The following ATP2B4 variants were observed in gnomAD, a reference collection of about 807,000 sequenced individuals.
ATP2B4 encodes plasma membrane calcium-transporting ATPase 4.
In ATP2B4, 39 loss-of-function variants were observed where a neutral mutation model predicts 110.3. That is an observed-to-expected ratio of 0.35 (90% CI 0.27 to 0.46). The LOEUF (loss-of-function observed/expected upper bound fraction) is 0.46. Ranked by LOEUF, ATP2B4 falls within the 20% of genes least tolerant of loss-of-function variation. ATP2B4 has a pLI of 1.00. For synonymous variants in ATP2B4, 538 were observed against 571.7 expected (o/e 0.94, Z 0.84); for missense variants, 1,135 against 1,530.9 (o/e 0.74, Z 4.32).
Position 203,722,488 on chromosome 1 carries a change from C to A in ATP2B4, c.2823C>A (p.Phe941Leu), listed in dbSNP as rs752873394. The A allele has an allele frequency of 9.3e-6, 15 of 1,613,408 alleles. No individual in the cohort carries two copies. Among genetic ancestry groups the A allele is most frequent in the Non-Finnish European group, 1.3e-5 (15 of 1,179,310 alleles). Residue 941 changes from phenylalanine to leucine, a missense_variant, in exon 18 of 21, where the codon TTC becomes TTA. By Grantham distance (22) the Phe-to-Leu change is conservative (BLOSUM62 0). This residue lies in a region of ATP2B4 where 155 missense variants were observed against 186.2 expected (regional missense o/e 0.83). Transcript: ENST00000357681. ...IFILVFAGEKFFDIDSGRKAP... is the reference protein window; with the variant it reads ...IFILVFAGEKLFDIDSGRKAP... ...TCCTCTCCCCACTAGGTGAGAAATT[C>A]TTTGATATTGATAGTGGGAGGAAGG...
At position 203,629,151 on chromosome 1, in the gene ATP2B4, G is replaced by C. The variant is rs543602950; in HGVS notation, c.-465+1932G>C. ...TGATTTTCACTTTGAGGTGTTGATT[G>C]ATCTGACTGCACCCCTCGGCTAGAC... On this transcript the variant is annotated intron_variant, in intron 1 of 20. Transcript: ENST00000357681. The surrounding 1 kb of genome is among the most constrained non-coding windows in gnomAD (Gnocchi z 4.6). 6.6e-6 allele frequency among the ~76,000 whole-genome samples: 1 copy of C among 152,310 alleles called. No individual in the cohort carries two copies. The highest frequency in any genetic ancestry group is 2.1e-4 in the South Asian group (1 of 4,832).
chr1:203,683,163 G>T lies in ATP2B4; in HGVS notation c.-43G>T. ...AGACACTGGTCAGTTGAAGGGAAAC[G>T]CTACATCTTCTCTGGTTGAGGGGCT... On this transcript the variant is annotated 5_prime_UTR_variant, in exon 2 of 21. Coordinates refer to ENST00000357681, the MANE Select transcript of ATP2B4 (RefSeq NM_001684.5). The T allele has an allele frequency of 1.3e-6, 2 of 1,593,814 alleles. No individual in the cohort carries two copies. The highest frequency in any genetic ancestry group is 1.3e-5 in the African/African-American group (1 of 74,720).
chr1:203,733,558 C>A, intron 20 of ATP2B4: 1 of 648,684 alleles, frequency 1.5e-6, no homozygotes, highest in Non-Finnish European at 2.5e-6. Context: ...ACTCTAAAAC[C>A]AGACTGTGTG....
In ATP2B4 at chr1:203,739,797, C is replaced by A. The variant is rs369496741; in HGVS notation, c.3561C>A (p.Asn1187Lys). The change falls in exon 21 of 21, where the codon AAC (asparagine) becomes AAA (lysine). Residue 1187 changes from asparagine to lysine, a missense_variant. Transcript: ENST00000357681. ...CAAACAACAATGCGGTGGATTGCAACCAAGTGCAGCTCCCCCAGTCGGACA... is the reference window on the plus strand; with the variant it reads ...CAAACAACAATGCGGTGGATTGCAAACAAGTGCAGCTCCCCCAGTCGGACA... ...ANTNNNAVDC[N>K]QVQLPQSDSS... 1.9e-6 allele frequency: 3 copies of A among 1,614,162 alleles called. No homozygotes were observed. The highest frequency in any genetic ancestry group is 2.5e-6 in the Non-Finnish European group (3 of 1,180,026).
intron 1 of ATP2B4, among the ~76,000 whole-genome samples, chr1:203,634,661 CTT>C (rs1176646608): frequency 6.6e-6 from 1 of 152,010 alleles, no homozygotes; most frequent in African/African-American, 2.4e-5. Context: ...AAATGCATCT[CTT>C]TGTTTGTTTG....
At chr1:203,650,752 G>A (rs558923432) in intron 1 of ATP2B4, among the ~76,000 whole-genome samples, 4 of 152,342 alleles carry the variant, frequency 2.6e-5, no homozygotes, top group Non-Finnish European at 5.9e-5. Flanking sequence ...TCCCGCACAG[G>A]GCAGCTTCCA....
chr1:203,657,557 CTT>C, intron 1 of ATP2B4: 2 of 865,376 alleles, frequency 2.3e-6, no homozygotes, highest in Non-Finnish European at 3.9e-6. Flanking sequence ...TCTTGATAGT[CTT>C]TTTCATTTGT....
intron 6 of ATP2B4, among the ~76,000 whole-genome samples, chr1:203,701,177 G>A (rs917787254): frequency 1.3e-5 from 2 of 152,184 alleles, no homozygotes; most frequent in African/African-American, 4.8e-5. Flanking sequence ...ATGGTAGCTT[G>A]TAAAGGGATG....
At chr1:203,714,839 A>G (rs1419374642) in intron 15 of ATP2B4, among the ~76,000 whole-genome samples, 1 of 152,162 alleles carries the variant, frequency 6.6e-6, no homozygotes, top group African/African-American at 2.4e-5. Flanking sequence ...TTATGATTAT[A>G]AGCCTCCCAT....
At chr1:203,683,666 C>CTTTT (rs11326748) in intron 2 of ATP2B4, among the ~76,000 whole-genome samples, 130 of 77,650 alleles carry the variant, frequency 1.7e-3, no homozygotes, top group Middle Eastern at 0.014. Flanking sequence ...TCTTTTGTTT[C>CTTTT]TTTTTTTTTT....
intron 2 of ATP2B4, among the ~76,000 whole-genome samples, chr1:203,686,695 T>C (rs1446059720): frequency 2.3e-5 from 3 of 132,588 alleles, no homozygotes; most frequent in Non-Finnish European, 4.7e-5. Context: ...CTTTTTTTTT[T>C]TTTTTTTTTT....
At chr1:203,702,386 G>C (rs1223590395) in intron 7 of ATP2B4, among the ~76,000 whole-genome samples, 1 of 152,126 alleles carries the variant, frequency 6.6e-6, no homozygotes. Context: ...ATTGACCTCA[G>C]CCTGATTTAA....
chr1:203,679,350 G>A (rs558096344), intron 1 of ATP2B4, among the ~76,000 whole-genome samples: 10 of 152,216 alleles, frequency 6.6e-5, no homozygotes, highest in African/African-American at 1.7e-4. Flanking sequence ...GTATTATAGC[G>A]ATCCCACCTT....
At chr1:203,737,519 T>C (rs370936909) in intron 20 of ATP2B4, among the ~76,000 whole-genome samples, 9 of 152,166 alleles carry the variant, frequency 5.9e-5, no homozygotes, top group African/African-American at 2.2e-4. Context: ...TCAATCCAAA[T>C]TGCCTTGCTC....
intron 1 of ATP2B4, among the ~76,000 whole-genome samples, chr1:203,644,677 A>T (rs183866833): frequency 9.9e-5 from 15 of 152,170 alleles, no homozygotes; most frequent in Non-Finnish European, 2.1e-4. Context: ...TAAAAGTAAG[A>T]TCTCACTGCT....
chr1:203,652,028 GC>G (rs534288342), intron 1 of ATP2B4, among the ~76,000 whole-genome samples: 113 of 147,654 alleles, frequency 7.7e-4, no homozygotes, highest in African/African-American at 2.6e-3. Context: ...CTGCACTCCA[GC>G]CTGAGTGACA....
At chr1:203,692,650 G>A (rs1225021096) in intron 2 of ATP2B4, among the ~76,000 whole-genome samples, 1 of 152,202 alleles carries the variant, frequency 6.6e-6, no homozygotes, top group East Asian at 1.9e-4. Context: ...CAGCTGGGAA[G>A]TCCCTCCTGA....
intron 20 of ATP2B4, 134 bp downstream of exon 20, chr1:203,727,705 T>G: frequency 9.0e-7 from 1 of 1,105,464 alleles, no homozygotes; most frequent in Non-Finnish European, 1.3e-6. Flanking sequence ...CAGCCCTAGA[T>G]CCTCAGCTTC....
At chr1:203,701,768 G>A (rs1665699062) in intron 6 of ATP2B4, among the ~76,000 whole-genome samples, 1 of 152,092 alleles carries the variant, frequency 6.6e-6, no homozygotes, top group Non-Finnish European at 1.5e-5. Context: ...ATTTTTCCAA[G>A]CAATGTGACT....
Sources: allele counts gnomAD v4.1 joint callset (sites outside exome capture counted in the v4.1 genomes callset), GRCh38; gene constraint gnomAD v4.1.1; regional missense constraint gnomAD v4.1.1; non-coding constraint Gnocchi (gnomAD v3.1); transcripts MANE v1.5; gene names NCBI Gene and HGNC (gene_info 2026-07-23, HGNC 2026-07-21).